DECR1: variants seen among roughly 807,000 people sequenced by gnomAD.
DECR1 encodes 2,4-dienoyl-CoA reductase [(3E)-enoyl-CoA-producing], mitochondrial.
In DECR1, 44 loss-of-function variants were observed where a neutral mutation model predicts 38.8. The observed-to-expected ratio is 1.13, with a 90% CI of 0.89 to 1.46. DECR1 has a LOEUF of 1.46. DECR1 is among the 40% of genes most tolerant of loss of function. The pLI is 0.00. For missense variants in DECR1, 428 were observed against 405.5 expected (o/e 1.06, Z -0.48); for synonymous variants, 148 against 135.2 (o/e 1.09, Z -0.66).
intron 6 of DECR1, among the ~76,000 whole-genome samples, chr8:90,042,191 A>T (rs1813780081): frequency 6.6e-6 from 1 of 152,122 alleles, no homozygotes; most frequent in African/African-American, 2.4e-5. Flanking sequence ...TTATATTTTC[A>T]ATCGATGTAC....
intron 5 of DECR1, among the ~76,000 whole-genome samples, chr8:90,028,918 A>T (rs565180135): frequency 3.4e-4 from 51 of 152,208 alleles, no homozygotes; most frequent in Non-Finnish European, 5.4e-4. Context: ...GTGGAAACTG[A>T]CGTACAATCT....
At chr8:90,029,772 T>C (rs1207928356) in intron 5 of DECR1, among the ~76,000 whole-genome samples, 1 of 152,182 alleles carries the variant, frequency 6.6e-6, no homozygotes, top group East Asian at 1.9e-4. Flanking sequence ...ACTTGGCCAG[T>C]TACTCTTCCT....
chr8:90,014,204 A>G (rs1249127218), intron 1 of DECR1, among the ~76,000 whole-genome samples: 2 of 152,222 alleles, frequency 1.3e-5, no homozygotes, highest in Non-Finnish European at 2.9e-5. Flanking sequence ...AGACTTGAAA[A>G]TCTTTAAAAG....
In DECR1 at chr8:90,044,917, T is replaced by C. The variant is rs1247144055; in HGVS notation, c.807T>C (p.Gly269=). ...AAATGATTGGCAGAATTCCCTGTGG[T>C]CGCCTGGGGACTGTAGAAGAACTCG... The part of the protein sequence containing the change: ...EKEMIGRIPC[G]RLGTVEELAN... The change falls in exon 8 of 10, where the codon GGT becomes GGC. Residue 269 remains glycine, a synonymous_variant. Coordinates refer to ENST00000220764, the MANE Select transcript of DECR1 (RefSeq NM_001359.2). 1 of 1,613,628 alleles carries C rather than the reference T, an allele frequency of 6.2e-7. No homozygotes were observed.
At position 90,017,205 on chromosome 8, in the gene DECR1, A is replaced by T. The variant is rs1813030085; in HGVS notation, c.151A>T (p.Met51Leu). The T allele has an allele frequency of 1.2e-6, 2 of 1,614,194 alleles. No individual in the cohort carries two copies. The highest frequency in any genetic ancestry group is 1.3e-5 in the African/African-American group (1 of 75,062). The change falls in exon 2 of 10, where the codon ATG becomes TTG. Residue 51 changes from methionine to leucine, a missense_variant. By Grantham distance (15) the Met-to-Leu change is conservative. Transcript: ENST00000220764. ...ATTCTTTTCACCTCTTCAAAAAGCG[A>T]TGCTACCACCTAATAGTTTTCAAGG... ...SKFFSPLQKA[M>L]LPPNSFQGKV...
At chr8:90,008,371 T>A (rs1409384185) in intron 1 of DECR1, among the ~76,000 whole-genome samples, 1 of 152,266 alleles carries the variant, frequency 6.6e-6, no homozygotes, top group Non-Finnish European at 1.5e-5. Flanking sequence ...TCTTAATTTC[T>A]ACTGCCCTCG....
chr8:90,018,897 G>A lies in DECR1; in HGVS notation c.273-12G>A. On this transcript the variant is annotated splice_polypyrimidine_tract_variant and intron_variant, in intron 2 of 9. Coordinates refer to ENST00000220764, the MANE Select transcript of DECR1 (RefSeq NM_001359.2). ...AATATAATATGAAGTCATACAAGGT[G>A]TTTATTTCTAGGAAGATGGATGTTT... 6.3e-7 allele frequency: 1 copy of A among 1,578,358 alleles called. No homozygotes were observed. Among genetic ancestry groups the A allele is most frequent in the Middle Eastern group, 1.7e-4 (1 of 5,910 alleles).
At chr8:90,026,595 CTAT>C (rs1252684136) in intron 5 of DECR1, among the ~76,000 whole-genome samples, 2 of 152,028 alleles carry the variant, frequency 1.3e-5, no homozygotes, top group African/African-American at 4.8e-5. Flanking sequence ...TTTATTGCAT[CTAT>C]TTGATTCTTC....
chr8:90,051,879 GAAGAC>G lies in DECR1; in HGVS notation c.993_997del (p.Thr332ArgfsTer17). ...GGGACACCATAGAAGAACTCATCAG[GAAGAC>G]AAAAGGTTCCTAAGACCACTTTGGC... On this transcript the variant is annotated frameshift_variant, in exon 10 of 10. Transcript: ENST00000220764. LOFTEE classifies it high-confidence loss of function. 1.9e-6 allele frequency: 3 copies of G among 1,613,708 alleles called. No homozygotes were observed. Among genetic ancestry groups the G allele is most frequent in the Non-Finnish European group, 2.5e-6 (3 of 1,179,840 alleles).
intron 6 of DECR1, among the ~76,000 whole-genome samples, chr8:90,037,622 AT>A (rs920432050): frequency 1.5e-4 from 23 of 151,714 alleles, no homozygotes; most frequent in Non-Finnish European, 2.9e-4. Flanking sequence ...AATTTTTAAA[AT>A]TTTTTTGTAG....
intron 1 of DECR1, 191 bp from the exon 2 acceptor site, chr8:90,016,933 C>G: frequency 1.9e-6 from 1 of 529,466 alleles, no homozygotes; most frequent in Non-Finnish European, 3.4e-6. Context: ...CTATGTAGTC[C>G]AGCTCCAGAG....
At chr8:90,025,475 T>G (rs1813307978) in intron 5 of DECR1, among the ~76,000 whole-genome samples, 2 of 152,254 alleles carry the variant, frequency 1.3e-5, no homozygotes, top group African/African-American at 2.4e-5. Flanking sequence ...TTTTATTTTC[T>G]TTGAAGCAAT....
chr8:90,008,421 T>A (rs1015684031), intron 1 of DECR1, among the ~76,000 whole-genome samples: 4 of 152,190 alleles, frequency 2.6e-5, no homozygotes, highest in Non-Finnish European at 4.4e-5. Flanking sequence ...GTCTGATGAG[T>A]CTCCATTTCC....
At chr8:90,051,544 T>C (rs1814093367) in intron 8 of DECR1, 133 bp from the exon 9 acceptor site, 1 of 646,438 alleles carries the variant, frequency 1.5e-6, no homozygotes, top group Non-Finnish European at 2.7e-6. Context: ...ATCATGAGTT[T>C]TATCTTTAAA....
intron 1 of DECR1, among the ~76,000 whole-genome samples, chr8:90,016,107 G>A (rs888550145): frequency 6.6e-6 from 1 of 151,990 alleles, no homozygotes; most frequent in Non-Finnish European, 1.5e-5. Context: ...TATAAAATAG[G>A]GCAATACAAA....
chr8:90,001,562 G>C lies in DECR1; in HGVS notation c.69+1G>C. ...GCCCTGTGGCCTCGCTCCTCGGAGGGTAAGGCGGCCGGGGGCGCGGGGAGC... is the reference window on the plus strand; with the variant it reads ...GCCCTGTGGCCTCGCTCCTCGGAGGCTAAGGCGGCCGGGGGCGCGGGGAGC... On this transcript the variant is annotated splice_donor_variant, in intron 1 of 9. Coordinates refer to ENST00000220764, the MANE Select transcript of DECR1 (RefSeq NM_001359.2). LOFTEE classifies it high-confidence loss of function. 6.2e-7 allele frequency: 1 copy of C among 1,612,204 alleles called. No homozygotes were observed. The highest frequency in any genetic ancestry group is 8.5e-7 in the Non-Finnish European group (1 of 1,178,840).
intron 1 of DECR1, among the ~76,000 whole-genome samples, chr8:90,002,602 T>C (rs1374465373): frequency 6.6e-6 from 1 of 152,234 alleles, no homozygotes; most frequent in Non-Finnish European, 1.5e-5. Flanking sequence ...AATTAATATG[T>C]CAACTGTGAA....
intron 8 of DECR1, among the ~76,000 whole-genome samples, chr8:90,048,079 G>A (rs1276248935): frequency 6.6e-6 from 1 of 152,170 alleles, no homozygotes; most frequent in Admixed American, 6.5e-5. Context: ...ACAAGAGAAA[G>A]CAGGGAAGAT....
At position 90,001,480 on chromosome 8, in the gene DECR1, C is replaced by A. The variant is rs1456483164; in HGVS notation, c.-13C>A. 6.2e-7 allele frequency: 1 copy of A among 1,613,826 alleles called. No homozygotes were observed. The highest frequency in any genetic ancestry group is 8.5e-7 in the Non-Finnish European group (1 of 1,179,854). ...CCTGCGCCGCCTTCCGGCCCGAGTT[C>A]TGGAGACTCAACATGAAGCTACCGG... On this transcript the variant is annotated 5_prime_UTR_variant, in exon 1 of 10. It adds an upstream start codon to the 5' untranslated region. Coordinates refer to ENST00000220764, the MANE Select transcript of DECR1 (RefSeq NM_001359.2).
Sources: gnomAD v4.1 joint callset for allele counts (sites outside exome capture counted in the v4.1 genomes callset) on GRCh38, gnomAD v4.1.1 for gene constraint, MANE v1.5 for transcripts, NCBI Gene and HGNC (gene_info 2026-07-23, HGNC 2026-07-21) for gene names.